The following FAM118A variants were observed in gnomAD, a reference collection of about 807,000 sequenced individuals.
FAM118A encodes the protein SIR2 antiphage like 2.
FAM118A carries 25 observed loss-of-function variants against 38.2 expected under a neutral mutation model. The ratio of observed to expected loss-of-function variants is 0.65; its 90% CI spans 0.48 to 0.91. The LOEUF (loss-of-function observed/expected upper bound fraction) is 0.91, where lower values mean the gene tolerates loss of function less well. Ranked by LOEUF, FAM118A falls within the 40% of genes least tolerant of loss-of-function variation. The pLI is 0.00. For synonymous variants in FAM118A, 178 were observed against 184.1 expected, an observed-to-expected ratio of 0.97 and a Z score of 0.27; for missense variants, 425 against 463.3, an observed-to-expected ratio of 0.92 and a Z score of 0.76.
At chr22:45,335,211 G>A (rs878884177) in intron 6 of FAM118A, 139 bp from the exon 7 acceptor site, 1 of 819,030 alleles carries the variant, frequency 1.2e-6, no homozygotes, top group South Asian at 1.6e-5. Context: ...AGCAGCGCAG[G>A]AGTCCGCAGC....
At position 45,332,540 on chromosome 22, in the gene FAM118A, A is replaced by G. The variant is rs1456615143; in HGVS notation, c.767A>G (p.Asp256Gly). The G allele has an allele frequency of 3.7e-6, 6 of 1,613,972 alleles. No homozygotes were observed. The highest frequency in any genetic ancestry group is 5.1e-6 in the Non-Finnish European group (6 of 1,180,046). Residue 256 changes from aspartate (D) to glycine (G), a missense_variant, in exon 6 of 9, where the codon GAT becomes GGT. Transcript: ENST00000441876. ...CTTTACTCCGTGCCGAATAAGGTGG[A>G]TTTGGAGCACTACATGCTTGTGCTG... ...LFLYSVPNKV[D>G]LEHYMLVLKE...
chr22:45,336,637 T>C (rs547604082), intron 8 of FAM118A, among the ~76,000 whole-genome samples: 2 of 152,190 alleles, frequency 1.3e-5, no homozygotes, highest in African/African-American at 4.8e-5. Flanking sequence ...TTTAGAAAAA[T>C]GTTACGGAGA....
chr22:45,315,792 C>A (rs1244769696), intron 1 of FAM118A, among the ~76,000 whole-genome samples: 2 of 152,054 alleles, frequency 1.3e-5, no homozygotes, highest in African/African-American at 4.8e-5. Flanking sequence ...GTTTCCTTGT[C>A]TCCAGATCCT....
At chr22:45,335,580 T>C (rs1364381438) in intron 7 of FAM118A, among the ~76,000 whole-genome samples, 198 bp downstream of exon 7, 1 of 152,106 alleles carries the variant, frequency 6.6e-6, no homozygotes, top group African/African-American at 2.4e-5. Context: ...GCCATCCCTT[T>C]GACGAGGAAG....
At chr22:45,328,529 G>A (rs559840767) in intron 4 of FAM118A, 8 of 735,378 alleles carry the variant, frequency 1.1e-5, no homozygotes, top group Non-Finnish European at 2.0e-5. Context: ...CTACTGGGGA[G>A]GCCGAGGTGG....
In FAM118A at chr22:45,323,202, A is replaced by G. The variant is rs2085006129; in HGVS notation, c.75A>G (p.Lys25=). Reference sequence around the variant, plus strand: ...AGTTTTTAAAAAGCCTCATCCGGAAACAGCCCCAGGAACTGCTCCTGGTTA... The same window carrying G: ...AGTTTTTAAAAAGCCTCATCCGGAAGCAGCCCCAGGAACTGCTCCTGGTTA... The part of the protein sequence containing the change: ...SRKFLKSLIR[K]QPQELLLVIG... Residue 25 remains lysine, a synonymous_variant, in exon 3 of 9, where the codon AAA becomes AAG. Coordinates refer to ENST00000441876, the MANE Select transcript of FAM118A (RefSeq NM_017911.4). 6.2e-7 allele frequency: 1 copy of G among 1,612,156 alleles called. No individual in the cohort carries two copies. The highest frequency in any genetic ancestry group is 1.7e-5 in the Admixed American group (1 of 59,984).
chr22:45,325,068 C>G (rs1436608785), intron 3 of FAM118A, among the ~76,000 whole-genome samples: 4 of 152,110 alleles, frequency 2.6e-5, no homozygotes. Context: ...CTCTCTGGCC[C>G]TTGTAGACAA....
chr22:45,313,327 T>G (rs1428190844), intron 1 of FAM118A, among the ~76,000 whole-genome samples: 2 of 150,388 alleles, frequency 1.3e-5, no homozygotes, highest in Admixed American at 6.6e-5. Context: ...GGGTTTTTTT[T>G]TTTTTTTTTT....
At chr22:45,332,368 T>A in intron 5 of FAM118A, 57 bp from the exon 6 acceptor site, 1 of 1,555,554 alleles carries the variant, frequency 6.4e-7, no homozygotes, top group Non-Finnish European at 8.7e-7. Flanking sequence ...CTTGGTTAGT[T>A]GTAAGCTCTT....
intron 3 of FAM118A, among the ~76,000 whole-genome samples, chr22:45,325,404 G>A (rs971320453): frequency 3.3e-5 from 5 of 152,296 alleles, no homozygotes; most frequent in African/African-American, 9.6e-5. Flanking sequence ...AGAGAAGGGT[G>A]AGGGGCTTGC....
chr22:45,335,878 G>A (rs2205661), intron 7 of FAM118A, among the ~76,000 whole-genome samples: 2 of 152,176 alleles, frequency 1.3e-5, no homozygotes, highest in Non-Finnish European at 2.9e-5. Context: ...GCGTCCTCCT[G>A]TGTGTGCGCT....
At position 45,330,615 on chromosome 22, in the gene FAM118A, G is replaced by T; in HGVS notation, c.535G>T (p.Ala179Ser). The change falls in exon 5 of 9, where the codon GCA becomes TCA. Residue 179 changes from alanine to serine, a missense_variant. Ala to Ser is a moderately conservative substitution (Grantham distance 99, BLOSUM62 1). Transcript: ENST00000441876. ...LKDKTKVLEW[A>S]RGHMKYGVLH... is the part of the protein sequence containing the mutation. ...TGATGTTTGGTAGGTCCTTGAATGG[G>T]CAAGAGGGCACATGAAGTACGGCGT... 1 of 1,577,008 alleles carries T rather than the reference G, an allele frequency of 6.3e-7. No homozygotes were observed. The highest frequency in any genetic ancestry group is 8.6e-7 in the Non-Finnish European group (1 of 1,164,592).
rs776613980 is a variant in FAM118A, at chr22:45,322,427, GTAAT to G, written c.47+5_47+8del. Reference sequence around the variant, plus strand: ...CAAATAGAAGTGAACAAAAATCCAGGTAATTAAAGGCAACTATACCTTCAAGCAG... The same window carrying G: ...CAAATAGAAGTGAACAAAAATCCAGGTAAAGGCAACTATACCTTCAAGCAG... On this transcript the variant is annotated splice_donor_variant and splice_donor_5th_base_variant and intron_variant, in intron 2 of 8. Coordinates refer to ENST00000441876, the MANE Select transcript of FAM118A (RefSeq NM_017911.4). LOFTEE classifies it high-confidence loss of function. 1.9e-6 allele frequency: 3 copies of G among 1,609,556 alleles called. No individual in the cohort carries two copies.
rs549797090 is a variant in FAM118A at position 45,338,571 on chromosome 22, T to C, written c.1055-1815T>C. 1.6e-4 allele frequency among the ~76,000 whole-genome samples: 25 copies of C among 152,350 alleles called. No homozygotes were observed. In the East Asian group the frequency reaches 4.6e-3, roughly 28 times the overall value. ...TACCTTTTCTCAGAGCATCTGCTGT[T>C]GTAAGTCTGCGAGAACTCTGGAGAC... On this transcript the variant is annotated intron_variant, in intron 8 of 8. Transcript: ENST00000441876.
At chr22:45,322,503 C>A in intron 2 of FAM118A, 77 bp downstream of exon 2, 1 of 1,273,370 alleles carries the variant, frequency 7.9e-7, no homozygotes, top group Non-Finnish European at 1.1e-6. Context: ...CGCACTCGTT[C>A]TTTAGTACCT....
chr22:45,323,673 C>T (rs975883053), intron 3 of FAM118A, among the ~76,000 whole-genome samples: 2 of 152,160 alleles, frequency 1.3e-5, no homozygotes, highest in African/African-American at 4.8e-5. Flanking sequence ...TGTGTGAGAT[C>T]GTCTCAGGGA....
chr22:45,327,785 T>A, intron 3 of FAM118A, 57 bp from the exon 4 acceptor site: 4 of 1,564,152 alleles, frequency 2.6e-6, no homozygotes, highest in East Asian at 2.3e-5. Flanking sequence ...CCTGCTTAGG[T>A]GCTCAGTAGT....
chr22:45,315,706 G>A (rs954042377), intron 1 of FAM118A, among the ~76,000 whole-genome samples: 4 of 151,702 alleles, frequency 2.6e-5, no homozygotes, highest in Admixed American at 2.6e-4. Context: ...CTGGCTGGGG[G>A]AAACAGGTTT....
At chr22:45,331,998 A>G (rs1400743659) in intron 5 of FAM118A, among the ~76,000 whole-genome samples, 2 of 152,182 alleles carry the variant, frequency 1.3e-5, no homozygotes, top group Non-Finnish European at 2.9e-5. Context: ...TTTTATGTGC[A>G]TAATTCTGAA....
Sources: gnomAD v4.1 joint callset for allele counts (sites outside exome capture counted in the v4.1 genomes callset) on GRCh38, gnomAD v4.1.1 for gene constraint, MANE v1.5 for transcripts, NCBI Gene and HGNC (gene_info 2026-07-23, HGNC 2026-07-21) for gene names.